Variants in RSU1 observed in about 807,000 individuals in gnomAD.
RSU1 encodes the protein rsu-1.
A neutral mutation model predicts 31.1 loss-of-function variants in RSU1; 26 were observed. The observed-to-expected ratio is 0.84, with a 90% CI of 0.61 to 1.16. The LOEUF is 1.16. Among genes scored for constraint, RSU1 ranks in the 50% most tolerant of loss-of-function variants. The probability of loss-of-function intolerance (pLI) is 0.00; values close to 1 mark genes in which losing one functional copy is unlikely to be tolerated. For synonymous variants in RSU1, 164 were observed against 136.3 expected, an observed-to-expected ratio of 1.20 and a Z score of -1.41; for missense variants, 320 against 339.1, an observed-to-expected ratio of 0.94 and a Z score of 0.44.
chr10:16,776,921 TTTTAA>T (rs1323046600), intron 3 of RSU1, among the ~76,000 whole-genome samples: 1 of 152,056 alleles, frequency 6.6e-6, no homozygotes, highest in African/African-American at 2.4e-5. Flanking sequence ...TTTTATTTTT[TTTTAA>T]TTTTTTTTTT....
At chr10:16,783,364 C>CTATTTTTTTTTT (rs1837698386) in intron 2 of RSU1, among the ~76,000 whole-genome samples, 2 of 132,072 alleles carry the variant, frequency 1.5e-5, no homozygotes, top group Non-Finnish European at 1.6e-5. Context: ...ACAACTTTTG[C>CTATTTTTTTTTT]TTTTTTTTTT....
chr10:16,718,110 A>AG (rs992475541), intron 7 of RSU1, among the ~76,000 whole-genome samples: 3 of 150,986 alleles, frequency 2.0e-5, no homozygotes, highest in Non-Finnish European at 3.0e-5. Flanking sequence ...AAAAAAAAAA[A>AG]AAAGAAAGAA....
intron 8 of RSU1, among the ~76,000 whole-genome samples, chr10:16,672,112 C>T (rs1178344329): frequency 3.5e-5 from 5 of 143,516 alleles, no homozygotes; most frequent in African/African-American, 5.2e-5. Context: ...TCCTGGCTAA[C>T]ATGGTGAAAC....
At chr10:16,602,389 T>C (rs1025809138) in intron 8 of RSU1, among the ~76,000 whole-genome samples, 4 of 152,220 alleles carry the variant, frequency 2.6e-5, no homozygotes, top group African/African-American at 9.6e-5. Flanking sequence ...TGATCATTAT[T>C]TGTCAGATGA....
rs1837419387 is a variant in RSU1 at position 16,771,230 on chromosome 10, T to C, written c.161-6720A>G. ...CATTATATATACGGGAGGGGAGGGA[T>C]GGACCATTTATGAGAAAATGGTGAA... On this transcript the variant is annotated intron_variant, in intron 3 of 8. Coordinates refer to ENST00000345264, the MANE Select transcript of RSU1 (RefSeq NM_012425.4). Among the ~76,000 whole-genome samples the C allele has an allele frequency of 3.3e-5, 5 of 151,992 alleles. No individual in the cohort carries two copies. In the South Asian group the frequency reaches 1.0e-3, roughly 32 times the overall value.
intron 5 of RSU1, among the ~76,000 whole-genome samples, chr10:16,753,333 T>G (rs928901963): frequency 5.9e-5 from 9 of 152,206 alleles, no homozygotes; most frequent in African/African-American, 1.7e-4. Flanking sequence ...TATTTCTCCA[T>G]TTGCATCCAA....
intron 3 of RSU1, among the ~76,000 whole-genome samples, chr10:16,772,161 G>A (rs1335085828): frequency 1.1e-4 from 16 of 152,246 alleles, no homozygotes; most frequent in African/African-American, 1.7e-4. Context: ...AATCAATTAC[G>A]TGAAAATTAG....
chr10:16,658,097 G>C (rs1359677411), intron 8 of RSU1, among the ~76,000 whole-genome samples: 1 of 152,226 alleles, frequency 6.6e-6, no homozygotes. Flanking sequence ...TCAGTTGCTT[G>C]ATTTCTCTCT....
At chr10:16,704,478 G>A (rs1288213089) in intron 7 of RSU1, among the ~76,000 whole-genome samples, 2 of 152,214 alleles carry the variant, frequency 1.3e-5, no homozygotes, top group Admixed American at 6.5e-5. Context: ...TCTTTCAGAG[G>A]CCTTGGTCTT....
chr10:16,626,049 CT>C (rs112699947), intron 8 of RSU1, among the ~76,000 whole-genome samples: 414 of 143,882 alleles, frequency 2.9e-3, no homozygotes, highest in Admixed American at 3.2e-3. Context: ...TTCCTTTTTT[CT>C]TTTTTTTTTT....
chr10:16,604,245 A>T (rs1012536925), intron 8 of RSU1, among the ~76,000 whole-genome samples: 1 of 152,192 alleles, frequency 6.6e-6, no homozygotes, highest in African/African-American at 2.4e-5. Flanking sequence ...CGAAGCAGAA[A>T]CATGAAAAGT....
At chr10:16,794,109 A>T (rs1004811961) in intron 2 of RSU1, among the ~76,000 whole-genome samples, 20 of 152,120 alleles carry the variant, frequency 1.3e-4, no homozygotes, top group Non-Finnish European at 2.6e-4. Context: ...GACTTGCATC[A>T]CTGACACGCA....
intron 2 of RSU1, among the ~76,000 whole-genome samples, chr10:16,805,627 G>C (rs972259533): frequency 7.4e-6 from 1 of 135,154 alleles, no homozygotes; most frequent in African/African-American, 2.8e-5. Context: ...AGTGAGCGGA[G>C]ATCACGCCAC....
chr10:16,623,826 A>T (rs1239762261), intron 8 of RSU1, among the ~76,000 whole-genome samples: 2 of 152,284 alleles, frequency 1.3e-5, no homozygotes, highest in South Asian at 4.1e-4. Flanking sequence ...ACTTATCTTC[A>T]TAAAACCCTT....
intron 7 of RSU1, among the ~76,000 whole-genome samples, chr10:16,746,055 GAT>G (rs1836846780): frequency 6.6e-6 from 1 of 152,162 alleles, no homozygotes; most frequent in Non-Finnish European, 1.5e-5. Flanking sequence ...TATAACAAGA[GAT>G]TTTTGACTGT....
chr10:16,638,789 C>T (rs999127768), intron 8 of RSU1, among the ~76,000 whole-genome samples: 34 of 152,164 alleles, frequency 2.2e-4, no homozygotes, highest in Non-Finnish European at 4.4e-4. Flanking sequence ...CCGCGCTAGA[C>T]GAGAAAATTC....
intron 8 of RSU1, among the ~76,000 whole-genome samples, chr10:16,594,587 AT>A (rs1003950723): frequency 2.8e-4 from 41 of 147,248 alleles, no homozygotes; most frequent in Middle Eastern, 3.6e-3. Flanking sequence ...ATTAAAAAAA[AT>A]ATATATATCA....
intron 7 of RSU1, among the ~76,000 whole-genome samples, chr10:16,703,380 G>A (rs139196389): frequency 2.0e-5 from 3 of 152,168 alleles, no homozygotes; most frequent in South Asian, 2.1e-4. Context: ...GCAATCTGGC[G>A]ATTTCTATTA....
chr10:16,776,678 C>A (rs1465220210), intron 3 of RSU1, among the ~76,000 whole-genome samples: 1 of 151,900 alleles, frequency 6.6e-6, no homozygotes, highest in Non-Finnish European at 1.5e-5. Flanking sequence ...CATTCAGAGA[C>A]CCACACTTTT....
Sources: gnomAD v4.1 joint callset for allele counts (sites outside exome capture counted in the v4.1 genomes callset) on GRCh38, gnomAD v4.1.1 for gene constraint, MANE v1.5 for transcripts, NCBI Gene and HGNC (gene_info 2026-07-23, HGNC 2026-07-21) for gene names.